The following HCN3 variants were observed in gnomAD, a reference collection of about 807,000 sequenced individuals.
HCN3 encodes hyperpolarization activated cyclic nucleotide gated potassium channel 3.
Under a neutral mutation model 56.8 loss-of-function variants are expected in HCN3, and 36 were observed. That is an observed-to-expected ratio of 0.63 (90% CI 0.49 to 0.84). The LOEUF (loss-of-function observed/expected upper bound fraction) is 0.84. Among genes scored for constraint, HCN3 ranks in the 40% least tolerant of loss-of-function variants. The pLI is 0.00. For missense variants in HCN3, 930 were observed against 1,079.3 expected, an observed-to-expected ratio of 0.86 and a Z score of 1.94; for synonymous variants, 425 against 439.7, an observed-to-expected ratio of 0.97 and a Z score of 0.42.
At chr1:155,278,980 T>C (rs1463391395) in intron 1 of HCN3, among the ~76,000 whole-genome samples, 3 of 151,678 alleles carry the variant, frequency 2.0e-5, no homozygotes, top group Admixed American at 2.0e-4. Context: ...GATGCTTTCA[T>C]GGCTAGGCGA....
rs770306788 is a variant in HCN3 at position 155,288,261 on chromosome 1, G to A, written c.2123G>A (p.Arg708Gln). 31 of 1,598,522 alleles carry A rather than the reference G, an allele frequency of 1.9e-5. No homozygotes were observed. Among genetic ancestry groups the A allele is most frequent in the Middle Eastern group, 1.6e-4 (1 of 6,068 alleles). Residue 708 changes from arginine to glutamine, a missense_variant, in exon 8 of 8, where the codon CGG (arginine) becomes CAG (glutamine). Transcript: ENST00000368358. The surrounding 1 kb of genome is among the most constrained non-coding windows in gnomAD (Gnocchi z 6.5). ...PGGGGRRLGP[R>Q]GRPLSASQPS... ...GGAGGTGGACGGCGGCTAGGACCTC[G>A]GGGCCGCCCACTCTCAGCCTCCCAA...
chr1:155,284,208 A>G lies in HCN3; in HGVS notation c.870+73A>G. ...TTCTGCCTGAGTAGCAGGGATGGCC[A>G]CAGGGAGCAGGAGGTGGGAGATGAT... On this transcript the variant is annotated intron_variant, in intron 3 of 7. Coordinates refer to ENST00000368358, the MANE Select transcript of HCN3 (RefSeq NM_020897.3). This position sits in a 1 kb window ranked among gnomAD's most constrained non-coding sequence, Gnocchi z 4.3. 2 of 1,546,300 alleles carry G rather than the reference A, an allele frequency of 1.3e-6. No individual in the cohort carries two copies. The highest frequency in any genetic ancestry group is 1.8e-6 in the Non-Finnish European group (2 of 1,129,004).
chr1:155,286,005 C>T, intron 6 of HCN3, 41 bp downstream of exon 6: 1 of 1,543,490 alleles, frequency 6.5e-7, no homozygotes, highest in Non-Finnish European at 8.8e-7. Flanking sequence ...CACGAGCAGA[C>T]AGTGGAGAGG....
At position 155,280,673 on chromosome 1, in the gene HCN3, T is replaced by C. The variant is rs902758260; in HGVS notation, c.279-1738T>C. ...CAGGATGGTCTCAATCTCCTGACCT[T>C]GTGATCTGCCCACCTTGGCCTCCCA... On this transcript the variant is annotated intron_variant, in intron 1 of 7. Coordinates refer to ENST00000368358, the MANE Select transcript of HCN3 (RefSeq NM_020897.3). Among the ~76,000 whole-genome samples the C allele has an allele frequency of 6.7e-5, 10 of 149,756 alleles. 1 individual carries two copies. Among genetic ancestry groups the C allele is most frequent in the Non-Finnish European group, 8.9e-5 (6 of 67,642 alleles).
chr1:155,277,955 A>G, intron 1 of HCN3, 87 bp downstream of exon 1: 1 of 1,474,332 alleles, frequency 6.8e-7, no homozygotes, highest in Non-Finnish European at 9.2e-7. Context: ...CCCACCCTCC[A>G]CGGTCACTTC....
chr1:155,283,442 C>G (rs1674152910), intron 2 of HCN3, among the ~76,000 whole-genome samples: 3 of 151,794 alleles, frequency 2.0e-5, no homozygotes, highest in Admixed American at 2.0e-4. Context: ...TTTTAGGGTA[C>G]ATGTGCACAT....
intron 7 of HCN3, 120 bp from the exon 8 acceptor site, chr1:155,287,661 G>T: frequency 7.7e-7 from 1 of 1,303,166 alleles, no homozygotes; most frequent in Non-Finnish European, 1.0e-6. Context: ...CCATACTACT[G>T]ACTCCCATCC....
intron 1 of HCN3, among the ~76,000 whole-genome samples, chr1:155,278,213 T>C (rs1673886054): frequency 6.6e-6 from 1 of 152,206 alleles, no homozygotes; most frequent in Non-Finnish European, 1.5e-5. Context: ...TCCTGCTTGC[T>C]GGAGATCTAG....
At chr1:155,278,751 GTC>G (rs1673908866) in intron 1 of HCN3, among the ~76,000 whole-genome samples, 1 of 152,160 alleles carries the variant, frequency 6.6e-6, no homozygotes, top group East Asian at 1.9e-4. Context: ...CTCCCTCTAT[GTC>G]TCTCTTCCTC....
intron 2 of HCN3, among the ~76,000 whole-genome samples, 172 bp downstream of exon 2, chr1:155,283,012 G>C (rs951837893): frequency 6.6e-5 from 10 of 152,138 alleles, no homozygotes; most frequent in Admixed American, 2.0e-4. Context: ...CAAAACTGGT[G>C]GGGGAGAAGC....
chr1:155,278,258 G>T, intron 1 of HCN3: 1 of 245,116 alleles, frequency 4.1e-6, no homozygotes, highest in Non-Finnish European at 8.1e-6. Context: ...CCAGTCTGAG[G>T]GAGAAGCCGA....
In HCN3 at chr1:155,286,723, C is replaced by A. The variant is rs907919360; in HGVS notation, c.1478-450C>A. ...TTATATAATCTCTCAGTCCCCAAACCACCCACTACTCCCATCATGTTGCAC... is the reference window on the plus strand; with the variant it reads ...TTATATAATCTCTCAGTCCCCAAACAACCCACTACTCCCATCATGTTGCAC... On this transcript the variant is annotated intron_variant, in intron 6 of 7. Transcript: ENST00000368358. 2.0e-5 allele frequency among the ~76,000 whole-genome samples: 3 copies of A among 152,104 alleles called. No homozygotes were observed. The South Asian group carries it at 6.2e-4, about 32-fold the overall frequency.
rs1674183545 is a variant in HCN3 at position 155,284,169 on chromosome 1, C to T, written c.870+34C>T. 1 of 1,607,004 alleles carries T rather than the reference C, an allele frequency of 6.2e-7. No individual in the cohort carries two copies. The highest frequency in any genetic ancestry group is 1.1e-5 in the South Asian group (1 of 90,382). ...TCCCCACAGCTCTGCCTTTCCTGGG[C>T]CTTCTTAGGGCTCTTCTGCCTGAGT... is the stretch of plus-strand genomic sequence containing the variant. On this transcript the variant is annotated intron_variant, in intron 3 of 7. Transcript: ENST00000368358. This position sits in a 1 kb window ranked among gnomAD's most constrained non-coding sequence, Gnocchi z 4.3.
chr1:155,279,971 G>C (rs990527856), intron 1 of HCN3, among the ~76,000 whole-genome samples: 7 of 151,736 alleles, frequency 4.6e-5, no homozygotes, highest in Non-Finnish European at 1.0e-4. Flanking sequence ...TTTTGAGAAG[G>C]AGTCTCACTG....
chr1:155,288,826 C>T lies in HCN3; in HGVS notation c.*363C>T, dbSNP rs1282068244. On this transcript the variant is annotated 3_prime_UTR_variant, in exon 8 of 8. Transcript: ENST00000368358. The surrounding 1 kb of genome is among the most constrained non-coding windows in gnomAD (Gnocchi z 6.5). ...TGCAGGCCCAGGCCCATGACCCCAC[C>T]TTTACTAAGCACAAGTACTTGCCAC... 4.0e-6 allele frequency: 1 copy of T among 248,132 alleles called. No individual in the cohort carries two copies. The highest frequency in any genetic ancestry group is 7.8e-6 in the Non-Finnish European group (1 of 128,752). The allele number at this position is 248,132 out of a possible 1,614,324, so 15.4% of individuals were successfully genotyped here. A position where few individuals can be genotyped will look rare whatever the true frequency, so the allele number is the denominator to read the frequency against.
At position 155,285,684 on chromosome 1, in the gene HCN3, C is replaced by A; in HGVS notation, c.1237-40C>A. The A allele has an allele frequency of 1.2e-6, 2 of 1,610,088 alleles. No individual in the cohort carries two copies. The highest frequency in any genetic ancestry group is 1.1e-5 in the South Asian group (1 of 90,570). ...TGAGCTCGGTGGGATCATCTCAGGT[C>A]AGGGGCACAGCCTGCCTGACAGGCC... On this transcript the variant is annotated intron_variant, in intron 5 of 7. Coordinates refer to ENST00000368358, the MANE Select transcript of HCN3 (RefSeq NM_020897.3). This position sits in a 1 kb window ranked among gnomAD's most constrained non-coding sequence, Gnocchi z 4.5.
rs34480594 is a variant in HCN3 at position 155,280,738 on chromosome 1, A to ATTTTTTTTT, written c.279-1648_279-1640dup. Reference sequence around the variant, plus strand: ...CAGGCGTGAGCCACCACGCCCAGCTATTTTTTTTTTTTTTTTTTTTTTTTT... The same window carrying ATTTTTTTTT: ...CAGGCGTGAGCCACCACGCCCAGCTATTTTTTTTTTTTTTTTTTTTTTTTTTTTTTTTTT... On this transcript the variant is annotated intron_variant, in intron 1 of 7. Transcript: ENST00000368358. 2.3e-4 allele frequency among the ~76,000 whole-genome samples: 8 copies of ATTTTTTTTT among 34,540 alleles called. 3 individuals are homozygous for ATTTTTTTTT. Among genetic ancestry groups the ATTTTTTTTT allele is most frequent in the African/African-American group, 9.7e-4 (7 of 7,200 alleles). 22.7% of individuals were successfully genotyped at this position (34,540 alleles called of 152,430 possible).
rs1338598823 is a variant in HCN3 at position 155,282,751 on chromosome 1, C to G, written c.619C>G (p.Leu207Val). Residue 207 changes from leucine (L) to valine (V), a missense_variant, in exon 2 of 8, where the codon CTA becomes GTA. By Grantham distance (32) the Leu-to-Val change is conservative. Transcript: ENST00000368358. The surrounding 1 kb of genome is among the most constrained non-coding windows in gnomAD (Gnocchi z 4.7). ...DAEVYKTARA[L>V]RIVRFTKILS... Reference sequence around the variant, plus strand: ...TGAGGTCTACAAAACGGCACGGGCCCTACGCATCGTTCGCTTCACCAAGAT... The same window carrying G: ...TGAGGTCTACAAAACGGCACGGGCCGTACGCATCGTTCGCTTCACCAAGAT... 6.2e-7 allele frequency: 1 copy of G among 1,614,080 alleles called. No individual in the cohort carries two copies. Among genetic ancestry groups the G allele is most frequent in the Non-Finnish European group, 8.5e-7 (1 of 1,180,052 alleles).
chr1:155,282,859 G>A lies in HCN3; in HGVS notation c.708+19G>A, dbSNP rs200499867. ...GGAGGAGGTGGGGTGGGGAGATGGCGGGCGGGGCAGTGGGTGGGGGATGTT... is the reference window on the plus strand; with the variant it reads ...GGAGGAGGTGGGGTGGGGAGATGGCAGGCGGGGCAGTGGGTGGGGGATGTT... On this transcript the variant is annotated intron_variant, in intron 2 of 7. Coordinates refer to ENST00000368358, the MANE Select transcript of HCN3 (RefSeq NM_020897.3). The surrounding 1 kb of genome is among the most constrained non-coding windows in gnomAD (Gnocchi z 4.7). 1.2e-4 allele frequency: 194 copies of A among 1,567,152 alleles called. No homozygotes were observed. The highest frequency in any genetic ancestry group is 1.6e-4 in the Non-Finnish European group (183 of 1,156,126).
Sources: allele counts gnomAD v4.1 joint callset (sites outside exome capture counted in the v4.1 genomes callset), GRCh38; gene constraint gnomAD v4.1.1; non-coding constraint Gnocchi (gnomAD v3.1); transcripts MANE v1.5; gene names NCBI Gene and HGNC (gene_info 2026-07-23, HGNC 2026-07-21).